The following SRSF1 variants were observed in gnomAD, a reference collection of about 807,000 sequenced individuals.
SRSF1 encodes the protein serine/arginine-rich splicing factor 1.
A neutral mutation model predicts 25.9 loss-of-function variants in SRSF1; 1 was observed. The observed-to-expected ratio is 0.04, with a 90% CI of 0.01 to 0.18. The LOEUF is 0.18. Among genes scored for constraint, SRSF1 ranks in the 10% least tolerant of loss-of-function variants. The pLI, the probability that SRSF1 is intolerant of heterozygous loss-of-function variation, is 1.00. For synonymous variants in SRSF1, 132 were observed against 126.2 expected (o/e 1.05, Z -0.31); for missense variants, 65 against 350.5 (o/e 0.19, Z 6.50).
the SRSF1 span, chr17:57,991,231 A>T: frequency 6.6e-6 from 1 of 152,264 alleles, no homozygotes; most frequent in African/African-American, 2.4e-5. Context: ...TGTTCTAAAC[A>T]CAACTTTTAG....
At chr17:58,000,435 A>G (rs1463359927), downstream of SRSF1, among the ~76,000 whole-genome samples, 1 of 152,188 alleles carries the variant, frequency 6.6e-6, no homozygotes, top group Non-Finnish European at 1.5e-5. Context: ...TATAGGATCT[A>G]ATTGGTCAAT....
chr17:58,001,038 T>C lies in SRSF1; in HGVS notation c.*4368A>G, dbSNP rs1325174442. Among the ~76,000 whole-genome samples, 1 of 152,228 alleles carries C rather than the reference T, an allele frequency of 6.6e-6. No homozygotes were observed. The highest frequency in any genetic ancestry group is 2.4e-5 in the African/African-American group (1 of 41,470). On this transcript the variant is annotated 3_prime_UTR_variant, in exon 4 of 4. Transcript: ENST00000258962. ...CTGTTTTCTGCGTTTGCAGTCTTCA[T>C]ACTGTGATGGAAATAATGGTTATGT...
chr17:57,989,748 A>G, the SRSF1 span: 1 of 398,554 alleles, frequency 2.5e-6, no homozygotes, highest in African/African-American at 2.1e-5. Context: ...GAAGTTCTGC[A>G]GTTTGGATCA....
the SRSF1 span, among the ~76,000 whole-genome samples, chr17:57,995,648 T>C: frequency 6.6e-6 from 1 of 152,226 alleles, no homozygotes; most frequent in Middle Eastern, 3.2e-3. Flanking sequence ...TACAGGTGTT[T>C]CTCACTTGGG....
At chr17:57,996,147 G>C (rs1275113970), downstream of SRSF1, among the ~76,000 whole-genome samples, 1 of 152,112 alleles carries the variant, frequency 6.6e-6, no homozygotes, top group African/African-American at 2.4e-5. Flanking sequence ...GCAGGTACTA[G>C]CATTCTGGAC....
At position 58,003,303 on chromosome 17, in the gene SRSF1, T is replaced by C. The variant is rs1295981214; in HGVS notation, c.*2103A>G. ...TACACAAATGCCTTATTCTCCCCTT[T>C]TGCTTTCCCCTGAAGACTTTTACAA... On this transcript the variant is annotated 3_prime_UTR_variant, in exon 4 of 4. Coordinates refer to ENST00000258962, the MANE Select transcript of SRSF1 (RefSeq NM_006924.5). The C allele has an allele frequency of 1.3e-5, 2 of 152,234 alleles. No homozygotes were observed. The highest frequency in any genetic ancestry group is 6.5e-5 in the Admixed American group (1 of 15,282). The allele number at this position is 152,234 out of a possible 1,614,324, so 9.4% of individuals were successfully genotyped here. A position where few individuals can be genotyped will look rare whatever the true frequency, so the allele number is the denominator to read the frequency against.
chr17:57,992,189 G>GA, the SRSF1 span: 2 of 152,166 alleles, frequency 1.3e-5, no homozygotes, highest in Non-Finnish European at 2.9e-5. Flanking sequence ...TAATGACAGG[G>GA]AGAATATCCA....
In SRSF1 at chr17:58,007,166, ACAGGCCTTCCCAC is replaced by A; in HGVS notation, c.-42_-30del. 1 of 1,612,138 alleles carries A rather than the reference ACAGGCCTTCCCAC, an allele frequency of 6.2e-7. No homozygotes were observed. The highest frequency in any genetic ancestry group is 8.5e-7 in the Non-Finnish European group (1 of 1,179,298). On this transcript the variant is annotated 5_prime_UTR_variant, in exon 1 of 4. Coordinates refer to ENST00000258962, the MANE Select transcript of SRSF1 (RefSeq NM_006924.5). ...GGTGACGAAAAGCGCGGACTCGAGAACAGGCCTTCCCACCAAGCCTAGCGCACGGCAGAGCGAG... is the reference window on the plus strand; with the variant it reads ...GGTGACGAAAAGCGCGGACTCGAGAACAAGCCTAGCGCACGGCAGAGCGAG...
chr17:57,996,267 G>A (rs368495060), downstream of SRSF1, among the ~76,000 whole-genome samples: 13 of 151,938 alleles, frequency 8.6e-5, no homozygotes, highest in African/African-American at 2.4e-4. Context: ...GGCAGATCAC[G>A]AGGTCAGGAG....
At chr17:58,000,527 A>G (rs2075382606), downstream of SRSF1, among the ~76,000 whole-genome samples, 1 of 152,180 alleles carries the variant, frequency 6.6e-6, no homozygotes, top group African/African-American at 2.4e-5. Context: ...TATTTGCTTC[A>G]ATGGGATATA....
rs368232385 is a variant in SRSF1, at chr17:58,005,376, T to C, written c.*30A>G. 5.6e-5 allele frequency: 90 copies of C among 1,610,612 alleles called. No individual in the cohort carries two copies. Among genetic ancestry groups the C allele is most frequent in the African/African-American group, 1.6e-4 (12 of 74,894 alleles). On this transcript the variant is annotated 3_prime_UTR_variant, in exon 4 of 4. Transcript: ENST00000258962. This position sits in a 1 kb window ranked among gnomAD's most constrained non-coding sequence, Gnocchi z 5.2. ...GAATAAAGGAAAACTGTATACAACATGGGTTCTACAAAAAGTGTCACCAAT... is the reference window on the plus strand; with the variant it reads ...GAATAAAGGAAAACTGTATACAACACGGGTTCTACAAAAAGTGTCACCAAT...
chr17:57,996,499 A>AAAAAAAAC (rs2075365868), downstream of SRSF1, among the ~76,000 whole-genome samples: 2 of 151,230 alleles, frequency 1.3e-5, no homozygotes, highest in Non-Finnish European at 2.9e-5. Flanking sequence ...AAAAAAAAAA[A>AAAAAAAAC]AAAACAGCCT....
chr17:57,993,979 G>T, the SRSF1 span: 1 of 152,156 alleles, frequency 6.6e-6, no homozygotes, highest in African/African-American at 2.4e-5. Flanking sequence ...ATGGCAAGTA[G>T]TCAACCCAAG....
At chr17:57,995,640 C>T in the SRSF1 span, among the ~76,000 whole-genome samples, 1 of 152,204 alleles carries the variant, frequency 6.6e-6, no homozygotes, top group Non-Finnish European at 1.5e-5. Flanking sequence ...GTAGATATTA[C>T]AGGTGTTTCT....
chr17:58,007,063 T>G lies in SRSF1; in HGVS notation c.75A>C (p.Pro25=). The G allele has an allele frequency of 6.2e-7, 1 of 1,614,206 alleles. No homozygotes were observed. The highest frequency in any genetic ancestry group is 8.5e-7 in the Non-Finnish European group (1 of 1,180,042). The change falls in exon 1 of 4, where the codon CCA becomes CCC. Residue 25 remains proline (P), a synonymous_variant. Transcript: ENST00000258962. ...CCTCAATGTCCTTGGTTCGGATGTC[T>G]GGAGGTAAGTTACCCACGTAGATGC... is the stretch of plus-strand genomic sequence containing the variant. ...DCRIYVGNLP[P]DIRTKDIEDV... is the part of the protein sequence containing the mutation.
In SRSF1 at chr17:58,004,795, A is replaced by G. The variant is rs1027196114; in HGVS notation, c.*611T>C. The G allele has an allele frequency of 2.5e-6, 1 of 395,218 alleles. No homozygotes were observed. The highest frequency in any genetic ancestry group is 1.4e-4 in the South Asian group (1 of 7,018). The allele number at this position is 395,218 out of a possible 1,614,324, so 24.5% of individuals were successfully genotyped here. On this transcript the variant is annotated 3_prime_UTR_variant, in exon 4 of 4. Coordinates refer to ENST00000258962, the MANE Select transcript of SRSF1 (RefSeq NM_006924.5). ...TTTAAAAAGCAAAGCAATTGTAGCT[A>G]AAGACAACTGAATAAAATGTTTGCA...
chr17:58,006,082 T>C, intron 2 of SRSF1, 109 bp from the exon 3 acceptor site: 1 of 1,084,252 alleles, frequency 9.2e-7, no homozygotes, highest in South Asian at 1.6e-5. Context: ...TAGGTGTACT[T>C]AAGTGATACC....
Position 58,005,086 on chromosome 17 carries a change from C to A in SRSF1, c.*320G>T. 2.2e-6 allele frequency: 1 copy of A among 456,462 alleles called. No homozygotes were observed. Among genetic ancestry groups the A allele is most frequent in the Non-Finnish European group, 3.8e-6 (1 of 260,202 alleles). The allele number at this position is 456,462 out of a possible 1,614,324, so 28.3% of individuals were successfully genotyped here. ...AAGCAAGATAAACATAAGAACTTCC[C>A]CAGGTAAGATAACCACAAACACCCC... is the stretch of plus-strand genomic sequence containing the variant. On this transcript the variant is annotated 3_prime_UTR_variant, in exon 4 of 4. Transcript: ENST00000258962. The surrounding 1 kb of genome is among the most constrained non-coding windows in gnomAD (Gnocchi z 5.2).
chr17:58,006,664 T>C (rs1168630227), intron 1 of SRSF1, 137 bp from the exon 2 acceptor site: 33 of 1,060,200 alleles, frequency 3.1e-5, no homozygotes, highest in Middle Eastern at 3.2e-4. Flanking sequence ...GAATGGCCCC[T>C]CCCCCACCCA....
Sources: allele counts gnomAD v4.1 joint callset (sites outside exome capture counted in the v4.1 genomes callset), GRCh38; gene constraint gnomAD v4.1.1; non-coding constraint Gnocchi (gnomAD v3.1); transcripts MANE v1.5; gene names NCBI Gene and HGNC (gene_info 2026-07-23, HGNC 2026-07-21).